ADAMTSL1: variants seen among roughly 807,000 people sequenced by gnomAD.
ADAMTSL1 encodes the protein ADAMTS-like protein 1.
Under a neutral mutation model 201.8 loss-of-function variants are expected in ADAMTSL1, and 126 were observed. The ratio of observed to expected loss-of-function variants is 0.62; its 90% CI spans 0.54 to 0.72. The LOEUF (loss-of-function observed/expected upper bound fraction) is 0.72, where lower values mean the gene tolerates loss of function less well. ADAMTSL1 is among the 30% of genes least tolerant of loss of function. ADAMTSL1 has a pLI of 0.00. For synonymous variants in ADAMTSL1, 1,121 were observed against 903.4 expected, an observed-to-expected ratio of 1.24 and a Z score of -4.32; for missense variants, 2,679 against 2,277.8, an observed-to-expected ratio of 1.18 and a Z score of -3.59.
intron 1 of ADAMTSL1, among the ~76,000 whole-genome samples, chr9:18,103,278 T>G (rs906999434): frequency 1.3e-5 from 2 of 152,180 alleles, no homozygotes; most frequent in Non-Finnish European, 2.9e-5. Flanking sequence ...CTAGGCCAGC[T>G]GATGAGTTTA....
At chr9:18,252,428 G>T (rs2132495714) in intron 2 of ADAMTSL1, among the ~76,000 whole-genome samples, 1 of 152,102 alleles carries the variant, frequency 6.6e-6, no homozygotes, top group East Asian at 1.9e-4. Flanking sequence ...CAAAATCCTT[G>T]AATGTTCAAG....
At chr9:18,860,041 A>AGACATT (rs1243616792) in intron 23 of ADAMTSL1, among the ~76,000 whole-genome samples, 4 of 152,218 alleles carry the variant, frequency 2.6e-5, no homozygotes, top group African/African-American at 9.7e-5. Flanking sequence ...TTGGAAAGAG[A>AGACATT]GACATTCAGA....
chr9:18,189,712 G>A (rs1828891169), intron 2 of ADAMTSL1, among the ~76,000 whole-genome samples: 2 of 151,936 alleles, frequency 1.3e-5, no homozygotes, highest in Non-Finnish European at 2.9e-5. Context: ...AACTCCTTCA[G>A]CTCCCACCAT....
At chr9:18,481,836 T>C (rs939248815) in intron 1 of ADAMTSL1, among the ~76,000 whole-genome samples, 5 of 152,182 alleles carry the variant, frequency 3.3e-5, no homozygotes, top group Non-Finnish European at 2.9e-5. Flanking sequence ...GAAAAACTAT[T>C]TTCAAGATAA....
intron 15 of ADAMTSL1, among the ~76,000 whole-genome samples, chr9:18,731,077 T>C (rs557374544): frequency 6.6e-6 from 1 of 152,366 alleles, no homozygotes; most frequent in African/African-American, 2.4e-5. Context: ...TTTTACCAGA[T>C]ATGATTTTTC....
At chr9:18,255,997 G>A (rs1355916572) in intron 2 of ADAMTSL1, among the ~76,000 whole-genome samples, 6 of 152,204 alleles carry the variant, frequency 3.9e-5, no homozygotes, top group Non-Finnish European at 2.9e-5. Flanking sequence ...ATGTCTGGAT[G>A]ACTACAACAT....
intron 13 of ADAMTSL1, among the ~76,000 whole-genome samples, chr9:18,685,631 C>T (rs2133204598): frequency 6.6e-6 from 1 of 152,292 alleles, no homozygotes; most frequent in African/African-American, 2.4e-5. Context: ...CATCCACCCT[C>T]CAAGAGTTAA....
chr9:17,931,197 C>T (rs1413393782), intron 1 of ADAMTSL1, among the ~76,000 whole-genome samples: 9 of 152,180 alleles, frequency 5.9e-5, no homozygotes, highest in Non-Finnish European at 8.8e-5. Flanking sequence ...CAAAGCTTAC[C>T]TGGCCATCCT....
At chr9:18,460,876 A>C (rs894260109) in intron 2 of ADAMTSL1, among the ~76,000 whole-genome samples, 1 of 152,194 alleles carries the variant, frequency 6.6e-6, no homozygotes, top group African/African-American at 2.4e-5. Flanking sequence ...AGAAAGGAGA[A>C]TAATAATAAG....
chr9:18,203,789 G>T (rs1829539924), intron 2 of ADAMTSL1, among the ~76,000 whole-genome samples: 1 of 152,110 alleles, frequency 6.6e-6, no homozygotes, highest in Non-Finnish European at 1.5e-5. Context: ...TGTGGTTAGT[G>T]CAAGTATGGC....
At chr9:18,175,621 C>G (rs973728376) in intron 2 of ADAMTSL1, among the ~76,000 whole-genome samples, 1 of 152,158 alleles carries the variant, frequency 6.6e-6, no homozygotes, top group African/African-American at 2.4e-5. Flanking sequence ...AGTTCAGTGC[C>G]TTGCTCACAG....
intron 2 of ADAMTSL1, among the ~76,000 whole-genome samples, chr9:18,437,280 C>T (rs1346104382): frequency 6.6e-6 from 1 of 152,052 alleles, no homozygotes; most frequent in African/African-American, 2.4e-5. Context: ...GTCCCGTGTC[C>T]AAATAGTCAC....
In ADAMTSL1 at chr9:18,010,859, A is replaced by G. The variant is rs761344324; in HGVS notation, c.87+103937A>G. On this transcript the variant is annotated intron_variant, in intron 1 of 29. Coordinates refer to the ADAMTSL1 transcript ENST00000680146. ...TAATACACAATTAGTTTTGCCTATG[A>G]ATTTTATGTGATCACTGTATCCTGA... 6.5e-4 allele frequency among the ~76,000 whole-genome samples: 99 copies of G among 152,140 alleles called. 2 individuals carry two copies. Among genetic ancestry groups the G allele is most frequent in the Middle Eastern group, 3.4e-3 (1 of 294 alleles).
At chr9:17,917,057 CT>C in intron 1 of ADAMTSL1, among the ~76,000 whole-genome samples, 1 of 152,014 alleles carries the variant, frequency 6.6e-6, no homozygotes, top group Non-Finnish European at 1.5e-5. Context: ...GTTTCCAATT[CT>C]TTTTTTGTTA....
At chr9:17,935,507 C>T (rs1183161684) in intron 1 of ADAMTSL1, among the ~76,000 whole-genome samples, 1 of 152,130 alleles carries the variant, frequency 6.6e-6, no homozygotes, top group Non-Finnish European at 1.5e-5. Flanking sequence ...GGCCTCTTAC[C>T]ATGGCTAAAA....
intron 15 of ADAMTSL1, among the ~76,000 whole-genome samples, chr9:18,733,376 A>T (rs1023941780): frequency 6.6e-6 from 1 of 152,248 alleles, no homozygotes; most frequent in South Asian, 2.1e-4. Flanking sequence ...TTCTCAGAGC[A>T]GAGCCCAACA....
chr9:18,474,109 A>T, upstream of ADAMTSL1: 2 of 531,880 alleles, frequency 3.8e-6, no homozygotes, highest in African/African-American at 1.9e-5. Flanking sequence ...GAAATGTGAG[A>T]GGGGCTGATG....
chr9:17,989,278 A>T (rs1009651864), intron 1 of ADAMTSL1, among the ~76,000 whole-genome samples: 2 of 151,766 alleles, frequency 1.3e-5, no homozygotes, highest in Non-Finnish European at 1.5e-5. Context: ...ATTTTAAATA[A>T]GCAGATTGTA....
intron 1 of ADAMTSL1, among the ~76,000 whole-genome samples, chr9:18,126,597 T>C (rs1436926192): frequency 6.6e-6 from 1 of 152,182 alleles, no homozygotes; most frequent in Non-Finnish European, 1.5e-5. Flanking sequence ...TAAAATCAGC[T>C]GATGTCATTT....
Sources: gnomAD v4.1 joint callset for allele counts (sites outside exome capture counted in the v4.1 genomes callset) on GRCh38, gnomAD v4.1.1 for gene constraint, MANE v1.5 for transcripts, NCBI Gene and HGNC (gene_info 2026-07-23, HGNC 2026-07-21) for gene names.